Variants in FBXO42 observed in about 807,000 individuals in gnomAD.
FBXO42 encodes the protein F-box protein 42, also known as F-box only protein 42.
Under a neutral mutation model 71.7 loss-of-function variants are expected in FBXO42, and 12 were observed. The ratio of observed to expected loss-of-function variants is 0.17; its 90% CI spans 0.11 to 0.27. The LOEUF is 0.27. FBXO42 is among the 10% of genes least tolerant of loss of function. The pLI is 1.00. For synonymous variants in FBXO42, 325 were observed against 327.5 expected (o/e 0.99, Z 0.08); for missense variants, 707 against 911.9 (o/e 0.78, Z 2.89).
In FBXO42 at chr1:16,294,924, A is replaced by C; in HGVS notation, c.368-7T>G. The C allele has an allele frequency of 6.3e-7, 1 of 1,584,960 alleles. No individual in the cohort carries two copies. The highest frequency in any genetic ancestry group is 8.6e-7 in the Non-Finnish European group (1 of 1,164,356). ...GCATCATAATAGCATGCACCTAGAA[A>C]GAAAATACACAAATAACTGCTGTGA... On this transcript the variant is annotated splice_region_variant and splice_polypyrimidine_tract_variant and intron_variant, in intron 3 of 9. Coordinates refer to ENST00000375592, the MANE Select transcript of FBXO42 (RefSeq NM_018994.3).
chr1:16,340,345 T>G (rs1444420622), intron 1 of FBXO42, among the ~76,000 whole-genome samples: 2 of 149,052 alleles, frequency 1.3e-5, no homozygotes, highest in African/African-American at 2.5e-5. Flanking sequence ...TGAGACGGAG[T>G]TTCACTCTTG....
At chr1:16,335,851 T>C (rs1240424896) in intron 1 of FBXO42, among the ~76,000 whole-genome samples, 1 of 142,086 alleles carries the variant, frequency 7.0e-6, no homozygotes, top group African/African-American at 2.7e-5. Flanking sequence ...TGGGTGACAG[T>C]GCGAGACTCC....
chr1:16,335,518 T>C (rs1258356394), intron 1 of FBXO42, among the ~76,000 whole-genome samples: 3 of 152,232 alleles, frequency 2.0e-5, no homozygotes, highest in East Asian at 1.9e-4. Flanking sequence ...CCTTCTTCAA[T>C]CTATTCTTTA....
At chr1:16,269,047 G>C (rs1274692773) in intron 4 of FBXO42, among the ~76,000 whole-genome samples, 1 of 151,372 alleles carries the variant, frequency 6.6e-6, no homozygotes, top group Non-Finnish European at 1.5e-5. Context: ...CTGACCTCGT[G>C]ATCCACCCAC....
At chr1:16,283,504 T>TTTGTTTTTTTTG (rs1397389291) in intron 4 of FBXO42, among the ~76,000 whole-genome samples, 31 of 138,028 alleles carry the variant, frequency 2.2e-4, no homozygotes, top group East Asian at 8.7e-4. Context: ...GTTTTTTTTT[T>TTTGTTTTTTTTG]TTTTTTTTTT....
chr1:16,287,893 G>C (rs1297332887), intron 4 of FBXO42, among the ~76,000 whole-genome samples: 1 of 152,104 alleles, frequency 6.6e-6, no homozygotes, highest in African/African-American at 2.4e-5. Flanking sequence ...CTCAGGTGAT[G>C]AAACCCTGTC....
chr1:16,320,360 CAAAAAA>C (rs35441053), intron 1 of FBXO42, among the ~76,000 whole-genome samples: 6 of 113,486 alleles, frequency 5.3e-5, no homozygotes, highest in South Asian at 2.8e-4. Flanking sequence ...AACTCCATGT[CAAAAAA>C]AAAAAAAAAA....
chr1:16,348,189 A>G (rs1354004826), intron 1 of FBXO42, among the ~76,000 whole-genome samples: 1 of 152,062 alleles, frequency 6.6e-6, no homozygotes, highest in Non-Finnish European at 1.5e-5. Flanking sequence ...TAGATCACTC[A>G]TTTTCAGTTA....
At chr1:16,330,634 C>A (rs537178083) in intron 1 of FBXO42, among the ~76,000 whole-genome samples, 1 of 152,102 alleles carries the variant, frequency 6.6e-6, no homozygotes, top group Non-Finnish European at 1.5e-5. Context: ...TGGTGAAACC[C>A]TGTCTCTACT....
intron 4 of FBXO42, among the ~76,000 whole-genome samples, chr1:16,290,315 T>C (rs149547426): frequency 6.6e-6 from 1 of 152,288 alleles, no homozygotes; most frequent in East Asian, 1.9e-4. Context: ...AAGGTGATGC[T>C]ATGGTGGAGA....
Position 16,308,931 on chromosome 1 carries a change from C to T in FBXO42, c.251-3012G>A, listed in dbSNP as rs1341186744. ...GCTAATTTTGCATTTTTAGTAGAGA[C>T]GGGGTTTCACCATGTTGGCCAAGCT... is the stretch of plus-strand genomic sequence containing the variant. On this transcript the variant is annotated intron_variant, in intron 2 of 9. Coordinates refer to ENST00000375592, the MANE Select transcript of FBXO42 (RefSeq NM_018994.3). 2.0e-5 allele frequency among the ~76,000 whole-genome samples: 3 copies of T among 150,110 alleles called. 1 individual carries two copies. The highest frequency in any genetic ancestry group is 4.2e-4 in the South Asian group (2 of 4,750).
chr1:16,325,228 ACT>A (rs2082440448), intron 1 of FBXO42, among the ~76,000 whole-genome samples: 2 of 152,094 alleles, frequency 1.3e-5, no homozygotes, highest in South Asian at 4.1e-4. Flanking sequence ...ACAGAGCAAG[ACT>A]CTGTCCCAAA....
At chr1:16,285,698 T>G (rs12739564) in intron 4 of FBXO42, among the ~76,000 whole-genome samples, 1,548 of 152,338 alleles carry the variant, frequency 0.01, 17 homozygotes, top group Non-Finnish European at 0.017. Context: ...TCGCTGCATT[T>G]GATGCAGCTG....
At chr1:16,345,587 C>A (rs965723021) in intron 1 of FBXO42, among the ~76,000 whole-genome samples, 2 of 151,968 alleles carry the variant, frequency 1.3e-5, no homozygotes, top group African/African-American at 4.8e-5. Flanking sequence ...CGGTGGCTCA[C>A]GCCTGTAATC....
intron 1 of FBXO42, among the ~76,000 whole-genome samples, chr1:16,350,263 T>C (rs184224735): frequency 6.6e-6 from 1 of 152,276 alleles, no homozygotes; most frequent in East Asian, 1.9e-4. Context: ...CAACATATTA[T>C]GCCAAGAAGC....
chr1:16,302,769 C>A (rs1244879744), intron 3 of FBXO42, among the ~76,000 whole-genome samples: 1 of 152,224 alleles, frequency 6.6e-6, no homozygotes, highest in Non-Finnish European at 1.5e-5. Context: ...CTCAGCCTCC[C>A]AAAGTGCTGG....
intron 5 of FBXO42, 76 bp downstream of exon 5, chr1:16,256,528 CTT>C (rs777363085): frequency 7.9e-5 from 117 of 1,477,222 alleles, no homozygotes; most frequent in Non-Finnish European, 1.1e-4. Context: ...CAAAGGGACT[CTT>C]GACACAAAAA....
intron 1 of FBXO42, among the ~76,000 whole-genome samples, chr1:16,319,191 T>G (rs765028964): frequency 6.6e-6 from 1 of 152,118 alleles, no homozygotes; most frequent in African/African-American, 2.4e-5. Context: ...TCTCGAAATA[T>G]ACTTTGGGGC....
At chr1:16,296,649 C>CAAAAAAAAAAAAA (rs58537213) in intron 3 of FBXO42, among the ~76,000 whole-genome samples, 4 of 91,324 alleles carry the variant, frequency 4.4e-5, no homozygotes, top group South Asian at 3.7e-4. Flanking sequence ...GACTCCATCT[C>CAAAAAAAAAAAAA]AAAAAAAAAA....
Sources: gnomAD v4.1 joint callset for allele counts (sites outside exome capture counted in the v4.1 genomes callset) on GRCh38, gnomAD v4.1.1 for gene constraint, MANE v1.5 for transcripts, NCBI Gene and HGNC (gene_info 2026-07-23, HGNC 2026-07-21) for gene names.